Variants in MBP observed in about 807,000 individuals in gnomAD.
MBP encodes the protein Golli-MBP.
In MBP, 16 loss-of-function variants were observed where a neutral mutation model predicts 35.8. The ratio of observed to expected loss-of-function variants is 0.45; its 90% confidence interval spans 0.30 to 0.68. The LOEUF (loss-of-function observed/expected upper bound fraction) is 0.68, where lower values mean the gene tolerates loss of function less well. Among genes scored for constraint, MBP ranks in the 30% least tolerant of loss-of-function variants. The pLI is 0.08. For synonymous variants in MBP, 143 were observed against 159.6 expected (o/e 0.90, Z 0.78); for missense variants, 380 against 404.7 (o/e 0.94, Z 0.52).
intron 4 of MBP, chr18:77,015,652 C>T (rs1044394315): frequency 1.7e-5 from 17 of 985,292 alleles, no homozygotes; most frequent in Non-Finnish European, 1.9e-5. Context: ...TTAACAGTTG[C>T]CTGAAACTTC....
At chr18:77,026,007 T>TC (rs2123548204) in intron 3 of MBP, among the ~76,000 whole-genome samples, 1 of 152,344 alleles carries the variant, frequency 6.6e-6, no homozygotes, top group East Asian at 1.9e-4. Context: ...CTCGCTGTGC[T>TC]CCCAGCCTGT....
chr18:77,056,850 T>C (rs571244608), intron 3 of MBP, among the ~76,000 whole-genome samples: 67 of 152,278 alleles, frequency 4.4e-4, no homozygotes, highest in Non-Finnish European at 2.8e-4. Context: ...CCAAATGACA[T>C]GGCCTCACTA....
chr18:77,119,353 G>A (rs1326684638), intron 1 of MBP, among the ~76,000 whole-genome samples: 1 of 152,126 alleles, frequency 6.6e-6, no homozygotes, highest in Middle Eastern at 3.2e-3. Context: ...ACCCAGCCGG[G>A]TCTCTGTCTT....
chr18:77,021,690 G>A (rs914195067), intron 3 of MBP, among the ~76,000 whole-genome samples: 11 of 151,950 alleles, frequency 7.2e-5, no homozygotes, highest in African/African-American at 2.7e-4. Context: ...TCACTATGTT[G>A]GCCAGGCTGG....
In MBP at chr18:77,035,631, C is replaced by T. The variant is rs374739039; in HGVS notation, c.140-18363G>A. Among the ~76,000 whole-genome samples, 53 of 152,170 alleles carry T rather than the reference C, an allele frequency of 3.5e-4. 1 individual carries two copies. The highest frequency in any genetic ancestry group is 9.4e-4 in the African/African-American group (39 of 41,512). ...CCTGCAGACGACGCTAATGCAATGC[C>T]GTGACACCACACGTCACGCTGCAGG... is the stretch of plus-strand genomic sequence containing the variant. On this transcript the variant is annotated intron_variant, in intron 3 of 8. Transcript: ENST00000355994.
At chr18:77,089,135 G>C (rs1667913) in intron 2 of MBP, among the ~76,000 whole-genome samples, 5,469 of 152,300 alleles carry the variant, frequency 0.036, 316 homozygotes, top group African/African-American at 0.12. Context: ...AAAGGACACA[G>C]AGGGCACTGC....
rs138095026 is a variant in MBP, at chr18:77,055,585, T to TTCTCTCTC, written c.139+10705_139+10712dup. Among the ~76,000 whole-genome samples the TTCTCTCTC allele has an allele frequency of 5.3e-3, 800 of 151,174 alleles. 13 individuals carry two copies. The highest frequency in any genetic ancestry group is 0.04 in the East Asian group (207 of 5,134). On this transcript the variant is annotated intron_variant, in intron 3 of 8. Coordinates refer to ENST00000355994, the MANE Select transcript of MBP (RefSeq NM_001025101.2). ...CTTCCTTCCTTTTCTTTCTCTTTCT[T>TTCTCTCTC]TCTCTCTCTCTCTCTCTTTCTTTCT...
At chr18:77,026,233 G>A (rs1288544098) in intron 3 of MBP, among the ~76,000 whole-genome samples, 1 of 152,270 alleles carries the variant, frequency 6.6e-6, no homozygotes, top group Non-Finnish European at 1.5e-5. Flanking sequence ...GAGGGCGGCT[G>A]TCAGCCGCAA....
intron 4 of MBP, among the ~76,000 whole-genome samples, chr18:76,999,408 A>C (rs908013107): frequency 2.6e-5 from 4 of 151,698 alleles, no homozygotes; most frequent in African/African-American, 9.7e-5. Context: ...GTGAACTGAG[A>C]GCTGAACTTC....
chr18:76,988,486 G>A lies in MBP; in HGVS notation c.750+9C>T, dbSNP rs1445158436. On this transcript the variant is annotated intron_variant, in intron 7 of 8. Coordinates refer to ENST00000355994, the MANE Select transcript of MBP (RefSeq NM_001025101.2). This position sits in a 1 kb window ranked among gnomAD's most constrained non-coding sequence, Gnocchi z 5.2. The stretch of plus-strand genomic sequence containing the variant: ...AGAGGAAGCCGATGGAAGTGCGTTC[G>A]TCACCTACCCAGCTAAATCTGCTCA... The A allele has an allele frequency of 2.2e-5, 36 of 1,614,050 alleles. No homozygotes were observed. Among genetic ancestry groups the A allele is most frequent in the Non-Finnish European group, 2.7e-5 (32 of 1,180,042 alleles).
In MBP at chr18:76,980,263, ATTGCCGGT is replaced by A; in HGVS notation, c.*156_*163del. Reference sequence around the variant, plus strand: ...GTTCTCATTTAACTGTTGGCCGGAAATTGCCGGTAGGCTGCCGTGGCCTGACCCTACTA... The same window carrying A: ...GTTCTCATTTAACTGTTGGCCGGAAAAGGCTGCCGTGGCCTGACCCTACTA... On this transcript the variant is annotated 3_prime_UTR_variant, in exon 9 of 9. Coordinates refer to ENST00000355994, the MANE Select transcript of MBP (RefSeq NM_001025101.2). 1 of 741,896 alleles carries A rather than the reference ATTGCCGGT, an allele frequency of 1.3e-6. No individual in the cohort carries two copies. The allele number at this position is 741,896 out of a possible 1,614,324, so 46.0% of individuals were successfully genotyped here.
At chr18:77,062,108 C>T (rs1332494115) in intron 3 of MBP, among the ~76,000 whole-genome samples, 1 of 152,200 alleles carries the variant, frequency 6.6e-6, no homozygotes, top group Non-Finnish European at 1.5e-5. Context: ...AGATGCCTGT[C>T]CTGGCTGAGA....
intron 2 of MBP, among the ~76,000 whole-genome samples, chr18:77,074,692 T>A (rs1223163463): frequency 6.6e-6 from 1 of 152,096 alleles, no homozygotes; most frequent in Non-Finnish European, 1.5e-5. Flanking sequence ...GGAACCAAAG[T>A]CCACGATTTC....
chr18:76,999,671 ACTC>A (rs1233897390), intron 4 of MBP, among the ~76,000 whole-genome samples: 1 of 150,588 alleles, frequency 6.6e-6, no homozygotes, highest in East Asian at 1.9e-4. Flanking sequence ...CTGGTCTTGA[ACTC>A]CTGGCCTCAA....
At chr18:77,082,616 C>G (rs2144940342) in intron 2 of MBP, among the ~76,000 whole-genome samples, 1 of 152,262 alleles carries the variant, frequency 6.6e-6, no homozygotes, top group African/African-American at 2.4e-5. Flanking sequence ...AGCCAGGACC[C>G]AGTGAGATGC....
chr18:76,982,560 T>A (rs1485858240), intron 8 of MBP: 1 of 152,134 alleles, frequency 6.6e-6, no homozygotes, highest in Non-Finnish European at 1.5e-5. Context: ...ACATGCATAG[T>A]TTTTTCTACC....
At chr18:77,045,982 G>A (rs470340) in intron 3 of MBP, among the ~76,000 whole-genome samples, 98,105 of 152,072 alleles carry the variant, frequency 0.65, 33,863 homozygotes, top group Non-Finnish European at 0.78. Flanking sequence ...ACATGTCGAT[G>A]GATGTGACAT....
intron 4 of MBP, chr18:77,015,480 G>T (rs1423640231): frequency 2.0e-6 from 2 of 985,400 alleles, no homozygotes; most frequent in East Asian, 2.3e-4. Context: ...TCAGGGTGAG[G>T]GAGGACTGCT....
intron 2 of MBP, among the ~76,000 whole-genome samples, chr18:77,084,009 G>GTT (rs33974021): frequency 1.1e-3 from 164 of 151,288 alleles, no homozygotes; most frequent in Middle Eastern, 3.4e-3. Flanking sequence ...CAATAAAGCT[G>GTT]TTTTTTTTTT....
Sources: gnomAD v4.1 joint callset for allele counts (sites outside exome capture counted in the v4.1 genomes callset) on GRCh38, gnomAD v4.1.1 for gene constraint, Gnocchi (gnomAD v3.1) non-coding constraint, MANE v1.5 for transcripts, NCBI Gene and HGNC (gene_info 2026-07-23, HGNC 2026-07-21) for gene names.